WFDC10B: variants seen among roughly 807,000 people sequenced by gnomAD.
WFDC10B encodes the protein protein WFDC10B.
A neutral mutation model predicts 2.7 loss-of-function variants in WFDC10B; 1 was observed. That is an observed-to-expected ratio of 0.38 (90% CI 0.13 to 1.79). The LOEUF is 1.79. Ranked by LOEUF, WFDC10B falls within the 40% of genes most tolerant of loss-of-function variation. The pLI is 0.33. For synonymous variants in WFDC10B, 26 were observed against 32.2 expected, an observed-to-expected ratio of 0.81 and a Z score of 0.65; for missense variants, 71 against 87.8, an observed-to-expected ratio of 0.81 and a Z score of 0.76.
rs1420168026 is a variant in WFDC10B, at chr20:45,705,011, T to C, written c.-223A>G. On this transcript the variant is annotated 5_prime_UTR_variant, in exon 1 of 4. Coordinates refer to ENST00000330523, the MANE Select transcript of WFDC10B (RefSeq NM_172006.2). ...CACCATCCTTTGGCCACCAGTGTTCTTGGGCTCTGGAGATCCAGCCCAAAG... is the reference window on the plus strand; with the variant it reads ...CACCATCCTTTGGCCACCAGTGTTCCTGGGCTCTGGAGATCCAGCCCAAAG... 3 of 1,613,464 alleles carry C rather than the reference T, an allele frequency of 1.9e-6. No individual in the cohort carries two copies. The highest frequency in any genetic ancestry group is 2.5e-6 in the Non-Finnish European group (3 of 1,179,422).
At chr20:45,695,425 AACCTAAGACAG>A (rs1983948848) in intron 2 of WFDC10B, among the ~76,000 whole-genome samples, 1 of 152,196 alleles carries the variant, frequency 6.6e-6, no homozygotes, top group Admixed American at 6.5e-5. Flanking sequence ...CAACACTATA[AACCTAAGACAG>A]ACCTAAGACA....
chr20:45,698,471 T>C (rs750668156), intron 2 of WFDC10B, among the ~76,000 whole-genome samples: 1 of 149,352 alleles, frequency 6.7e-6, no homozygotes, highest in Non-Finnish European at 1.5e-5. Flanking sequence ...CAAATGACTA[T>C]CAAAAAAGTG....
In WFDC10B at chr20:45,704,938, C is replaced by G; in HGVS notation, c.-150G>C. 6.2e-7 allele frequency: 1 copy of G among 1,614,100 alleles called. No homozygotes were observed. The highest frequency in any genetic ancestry group is 8.5e-7 in the Non-Finnish European group (1 of 1,180,002). On this transcript the variant is annotated 5_prime_UTR_variant, in exon 1 of 4. Transcript: ENST00000330523. Reference sequence around the variant, plus strand: ...TGTACCTGCAGGTGTAACCAAAATCCCAAAGCAAAATTTGTCCTACACTTT... The same window carrying G: ...TGTACCTGCAGGTGTAACCAAAATCGCAAAGCAAAATTTGTCCTACACTTT...
At chr20:45,686,471 C>T (rs1434715261) in intron 2 of WFDC10B, among the ~76,000 whole-genome samples, 4 of 151,600 alleles carry the variant, frequency 2.6e-5, no homozygotes, top group Non-Finnish European at 4.4e-5. Context: ...TACCGTCTGC[C>T]ACCTTTATTT....
chr20:45,692,654 G>A (rs200172712), intron 2 of WFDC10B, among the ~76,000 whole-genome samples: 7 of 152,100 alleles, frequency 4.6e-5, no homozygotes, highest in Non-Finnish European at 1.0e-4. Flanking sequence ...TCTTCATGTA[G>A]TTCTCGAGCC....
intron 2 of WFDC10B, among the ~76,000 whole-genome samples, chr20:45,687,860 T>TTTTTTATTATTATTATTA (rs1555805538): frequency 1.6e-4 from 23 of 145,342 alleles, no homozygotes; most frequent in African/African-American, 5.9e-4. Flanking sequence ...TGTCTTTTCT[T>TTTTTTATTATTATTATTA]TTATTATTAT....
chr20:45,693,223 G>C (rs1377093570), intron 2 of WFDC10B, among the ~76,000 whole-genome samples: 3 of 152,226 alleles, frequency 2.0e-5, no homozygotes, highest in Non-Finnish European at 4.4e-5. Flanking sequence ...TGTGTGAGGT[G>C]TCAGTCTGCC....
intron 2 of WFDC10B, among the ~76,000 whole-genome samples, chr20:45,692,942 T>C (rs1983861993): frequency 6.6e-6 from 1 of 152,182 alleles, no homozygotes; most frequent in Non-Finnish European, 1.5e-5. Flanking sequence ...CTCTGTTTTT[T>C]CCCCATCTTT....
At position 45,705,017 on chromosome 20, in the gene WFDC10B, T is replaced by C. The variant is rs1378523574; in HGVS notation, c.-229A>G. ...CCTTTGGCCACCAGTGTTCTTGGGC[T>C]CTGGAGATCCAGCCCAAAGGAAGTT... is the stretch of plus-strand genomic sequence containing the variant. On this transcript the variant is annotated 5_prime_UTR_variant, in exon 1 of 4. Coordinates refer to ENST00000330523, the MANE Select transcript of WFDC10B (RefSeq NM_172006.2). The C allele has an allele frequency of 6.2e-7, 1 of 1,611,386 alleles. No individual in the cohort carries two copies. The highest frequency in any genetic ancestry group is 8.5e-7 in the Non-Finnish European group (1 of 1,177,642).
At chr20:45,687,341 T>TC (rs1345481619) in intron 2 of WFDC10B, among the ~76,000 whole-genome samples, 1 of 152,210 alleles carries the variant, frequency 6.6e-6, no homozygotes, top group African/African-American at 2.4e-5. Flanking sequence ...AAGAACATGA[T>TC]CTCATTCCTT....
intron 2 of WFDC10B, among the ~76,000 whole-genome samples, chr20:45,702,929 G>A (rs2145644228): frequency 6.6e-6 from 1 of 152,362 alleles, no homozygotes; most frequent in Admixed American, 6.5e-5. Context: ...AGAGGGATAA[G>A]TGTGGTAGCT....
chr20:45,697,748 T>C (rs553197584), intron 2 of WFDC10B, among the ~76,000 whole-genome samples: 16 of 147,088 alleles, frequency 1.1e-4, no homozygotes, highest in African/African-American at 3.3e-4. Flanking sequence ...TTTTCTTTTT[T>C]TTTTTTTTTT....
chr20:45,696,267 CAG>C (rs1983975499), intron 2 of WFDC10B, among the ~76,000 whole-genome samples: 1 of 120,740 alleles, frequency 8.3e-6, no homozygotes, highest in Non-Finnish European at 1.6e-5. Context: ...GCCTAGGCGA[CAG>C]AGCAAGACTC....
At position 45,684,750 on chromosome 20, in the gene WFDC10B, T is replaced by G. The variant is rs1427707856; in HGVS notation, c.*80A>C. 1.3e-6 allele frequency: 2 copies of G among 1,558,790 alleles called. No homozygotes were observed. Among genetic ancestry groups the G allele is most frequent in the Non-Finnish European group, 1.7e-6 (2 of 1,147,318 alleles). On this transcript the variant is annotated 3_prime_UTR_variant, in exon 4 of 4. Coordinates refer to ENST00000330523, the MANE Select transcript of WFDC10B (RefSeq NM_172006.2). ...ATGTTCTTGTGCTGATGATTTGATG[T>G]CCTTGTGCTTCGGATGTGGGCACAG...
chr20:45,704,679 G>A, intron 1 of WFDC10B, 118 bp from the exon 2 acceptor site: 2 of 1,511,862 alleles, frequency 1.3e-6, no homozygotes, highest in South Asian at 2.6e-5. Flanking sequence ...AACTGTGCTG[G>A]ATCTCTCCTT....
chr20:45,694,904 T>G (rs1292911234), intron 2 of WFDC10B, among the ~76,000 whole-genome samples: 1 of 152,186 alleles, frequency 6.6e-6, no homozygotes, highest in Non-Finnish European at 1.5e-5. Flanking sequence ...AACAATAAGA[T>G]TTGATGAGCT....
chr20:45,696,261 AG>A (rs1238431825), intron 2 of WFDC10B, among the ~76,000 whole-genome samples: 1 of 139,424 alleles, frequency 7.2e-6, no homozygotes, highest in East Asian at 2.3e-4. Flanking sequence ...ACTCCAGCCT[AG>A]GCGACAGAGC....
intron 2 of WFDC10B, among the ~76,000 whole-genome samples, chr20:45,690,481 T>C (rs1483413837): frequency 1.3e-5 from 2 of 151,770 alleles, no homozygotes; most frequent in East Asian, 3.9e-4. Context: ...GGACTCTTTT[T>C]GGTTGGTAAG....
chr20:45,687,937 A>T (rs1983679033), intron 2 of WFDC10B, among the ~76,000 whole-genome samples: 1 of 150,600 alleles, frequency 6.6e-6, no homozygotes, highest in Non-Finnish European at 1.5e-5. Context: ...GGTTAGTTAC[A>T]TATGTATACA....
Sources: allele counts gnomAD v4.1 joint callset (sites outside exome capture counted in the v4.1 genomes callset), GRCh38; gene constraint gnomAD v4.1.1; transcripts MANE v1.5; gene names NCBI Gene and HGNC (gene_info 2026-07-23, HGNC 2026-07-21).